TARBP1: variants seen among roughly 807,000 people sequenced by gnomAD.
TARBP1 encodes tRNA guanosine 2 -O-methyltransferase TARBP1.
Under a neutral mutation model 178.6 loss-of-function variants are expected in TARBP1, and 144 were observed. The ratio of observed to expected loss-of-function variants is 0.81; its 90% CI spans 0.70 to 0.93. The LOEUF (loss-of-function observed/expected upper bound fraction) is 0.93. Among genes scored for constraint, TARBP1 ranks in the 40% least tolerant of loss-of-function variants. The pLI, the probability that TARBP1 is intolerant of heterozygous loss-of-function variation, is 0.00. For synonymous variants in TARBP1, 787 were observed against 781.0 expected (o/e 1.01, Z -0.13); for missense variants, 2,067 against 2,011.7 (o/e 1.03, Z -0.53).
intron 10 of TARBP1, among the ~76,000 whole-genome samples, chr1:234,450,116 C>T (rs2103220873): frequency 6.6e-6 from 1 of 152,232 alleles, no homozygotes; most frequent in East Asian, 1.9e-4. Flanking sequence ...TCTGCAGTAT[C>T]TAGTTCACAA....
At chr1:234,420,384 G>C (rs1393160215) in intron 21 of TARBP1, among the ~76,000 whole-genome samples, 1 of 152,078 alleles carries the variant, frequency 6.6e-6, no homozygotes, top group Non-Finnish European at 1.5e-5. Flanking sequence ...AGAAAATTAG[G>C]AGTTAAGTAT....
intron 3 of TARBP1, among the ~76,000 whole-genome samples, chr1:234,469,805 T>C (rs569143541): frequency 1.3e-5 from 2 of 152,356 alleles, no homozygotes; most frequent in South Asian, 4.1e-4. Flanking sequence ...AAAGCTCTCA[T>C]AATATAGTGA....
chr1:234,421,596 A>G (rs1476299984), intron 20 of TARBP1, among the ~76,000 whole-genome samples: 1 of 152,230 alleles, frequency 6.6e-6, no homozygotes, highest in African/African-American at 2.4e-5. Flanking sequence ...ACCCCAGTAC[A>G]TGGACAGTGC....
intron 3 of TARBP1, among the ~76,000 whole-genome samples, chr1:234,470,136 G>A (rs181373492): frequency 6.6e-5 from 10 of 152,062 alleles, no homozygotes; most frequent in Admixed American, 3.3e-4. Flanking sequence ...GTGTGGTGGC[G>A]CATGCCTGTA....
chr1:234,423,497 C>T (rs1011341636), intron 20 of TARBP1, among the ~76,000 whole-genome samples: 7 of 152,188 alleles, frequency 4.6e-5, no homozygotes, highest in Non-Finnish European at 1.0e-4. Flanking sequence ...TGTCTCCACT[C>T]GCTAAACTCC....
In TARBP1 at chr1:234,425,648, ATAATT is replaced by A. The variant is rs199988220; in HGVS notation, c.3444+20_3444+24del. ...TGACCTCTGACTGTTAAAAACAAAG[ATAATT>A]TAAAGTAAAATACACTTACTTTATC... On this transcript the variant is annotated intron_variant, in intron 20 of 29. Coordinates refer to ENST00000040877, the MANE Select transcript of TARBP1 (RefSeq NM_005646.4). The A allele has an allele frequency of 0.036, 58,018 of 1,602,830 alleles. 1,258 individuals are homozygous for A. The highest frequency in any genetic ancestry group is 0.078 in the South Asian group (6,940 of 89,408).
intron 13 of TARBP1, 86 bp downstream of exon 13, chr1:234,437,189 A>G: frequency 1.4e-6 from 1 of 698,512 alleles, no homozygotes; most frequent in Admixed American, 3.1e-5. Context: ...TTTTCTTTTC[A>G]ATTTAATACA....
intron 14 of TARBP1, 51 bp from the exon 15 acceptor site, chr1:234,430,352 A>G (rs756975343): frequency 1.3e-6 from 2 of 1,529,568 alleles, no homozygotes; most frequent in Admixed American, 1.7e-5. Flanking sequence ...AGTCTTAATC[A>G]GTAATGACCT....
chr1:234,410,632 G>C, intron 22 of TARBP1, 101 bp from the exon 23 acceptor site: 3 of 710,502 alleles, frequency 4.2e-6, no homozygotes, highest in Non-Finnish European at 7.2e-6. Context: ...AGGACAGGAG[G>C]CAGCCTCTTC....
At chr1:234,443,619 A>G (rs2103189773) in intron 12 of TARBP1, among the ~76,000 whole-genome samples, 1 of 152,296 alleles carries the variant, frequency 6.6e-6, no homozygotes, top group East Asian at 1.9e-4. Flanking sequence ...TCCACTTCCA[A>G]GAGAATTGAA....
chr1:234,430,721 A>T (rs12408036), intron 14 of TARBP1, among the ~76,000 whole-genome samples: 18,589 of 152,178 alleles, frequency 0.12, 1,486 homozygotes, highest in East Asian at 0.32. Flanking sequence ...ACATGTTAAA[A>T]AAAAAAATAA....
At chr1:234,455,272 C>A (rs1321844568) in intron 9 of TARBP1, among the ~76,000 whole-genome samples, 1 of 152,130 alleles carries the variant, frequency 6.6e-6, no homozygotes, top group Non-Finnish European at 1.5e-5. Flanking sequence ...TGGGCAATCC[C>A]CAGAAAGATT....
At chr1:234,442,853 C>G (rs964956741) in intron 12 of TARBP1, among the ~76,000 whole-genome samples, 1 of 152,254 alleles carries the variant, frequency 6.6e-6, no homozygotes, top group Non-Finnish European at 1.5e-5. Context: ...TCATCCCTAC[C>G]CCAGTGGCTC....
At chr1:234,461,925 A>C (rs6686327) in intron 6 of TARBP1, among the ~76,000 whole-genome samples, 23,421 of 152,272 alleles carry the variant, frequency 0.15, 2,012 homozygotes, top group Middle Eastern at 0.19. Context: ...CTCAGAAGCT[A>C]CTAAAAGGAT....
intron 1 of TARBP1, 57 bp downstream of exon 1, chr1:234,478,116 T>G (rs955286361): frequency 6.5e-7 from 1 of 1,544,954 alleles, no homozygotes; most frequent in Non-Finnish European, 8.8e-7. Flanking sequence ...GCAGGAAGAC[T>G]CCCCTCTGGG....
intron 12 of TARBP1, among the ~76,000 whole-genome samples, chr1:234,437,721 A>C (rs1039689002): frequency 6.6e-6 from 1 of 152,240 alleles, no homozygotes; most frequent in African/African-American, 2.4e-5. Flanking sequence ...TGAGTTTACT[A>C]ATGTTTCTCC....
Position 234,446,831 on chromosome 1 carries a change from G to A in TARBP1, c.2106C>T (p.Cys702=), listed in dbSNP as rs370828855. 1 of 1,613,884 alleles carries A rather than the reference G, an allele frequency of 6.2e-7. No individual in the cohort carries two copies. The highest frequency in any genetic ancestry group is 2.2e-5 in the East Asian group (1 of 44,882). ...CTTGGGCACTGGAACCTTTCAACCTGCATGTGTTCAACAGCTTCAACAGCA... is the reference window on the plus strand; with the variant it reads ...CTTGGGCACTGGAACCTTTCAACCTACATGTGTTCAACAGCTTCAACAGCA... ...LQLLLKLLNT[C]RLKGSSAQDD... Residue 702 remains cysteine, a synonymous_variant, in exon 12 of 30, where the codon TGC becomes TGT. Coordinates refer to ENST00000040877, the MANE Select transcript of TARBP1 (RefSeq NM_005646.4).
intron 11 of TARBP1, among the ~76,000 whole-genome samples, chr1:234,447,912 T>C (rs889090666): frequency 7.9e-5 from 12 of 152,308 alleles, no homozygotes; most frequent in Middle Eastern, 3.4e-3. Flanking sequence ...CAGTGACTAT[T>C]GTATATGGTT....
chr1:234,460,109 AT>A (rs570350546), intron 7 of TARBP1, 151 bp downstream of exon 7: 16 of 849,098 alleles, frequency 1.9e-5, no homozygotes, highest in Admixed American at 1.5e-4. Flanking sequence ...ACATTTTTTA[AT>A]TTTTTTCTTA....
Sources: gnomAD v4.1 joint callset for allele counts (sites outside exome capture counted in the v4.1 genomes callset) on GRCh38, gnomAD v4.1.1 for gene constraint, MANE v1.5 for transcripts, NCBI Gene and HGNC (gene_info 2026-07-23, HGNC 2026-07-21) for gene names.